FILIP1: variants seen among roughly 807,000 people sequenced by gnomAD.
FILIP1 encodes filamin A interacting protein 1.
A neutral mutation model predicts 102.1 loss-of-function variants in FILIP1; 61 were observed. The ratio of observed to expected loss-of-function variants is 0.60; its 90% confidence interval spans 0.49 to 0.74. FILIP1 has a LOEUF of 0.74. Ranked by LOEUF, FILIP1 falls within the 30% of genes least tolerant of loss-of-function variation. The pLI is 0.00. For synonymous variants in FILIP1, 491 were observed against 526.9 expected (o/e 0.93, Z 0.93); for missense variants, 1,314 against 1,441.2 (o/e 0.91, Z 1.43).
chr6:75,312,575 A>G lies in FILIP1; in HGVS notation c.3257T>C (p.Val1086Ala). Residue 1086 changes from valine to alanine, a missense_variant, in exon 5 of 6, where the codon GTC becomes GCC. Val to Ala is a moderately conservative substitution (Grantham distance 64, BLOSUM62 0). This residue lies in a region of FILIP1 where 816 missense variants were observed against 913.1 expected (regional missense o/e 0.89). Transcript: ENST00000237172. ...TGGTCGGACAGTAATAACTGGACTG[A>G]CTCCTTCACCTGAAGTCCCAGGGGA... is the stretch of plus-strand genomic sequence containing the variant. ...KRSPGTSGEG[V>A]SPVITVRPVN... The G allele has an allele frequency of 6.2e-7, 1 of 1,613,986 alleles. No homozygotes were observed. The highest frequency in any genetic ancestry group is 8.5e-7 in the Non-Finnish European group (1 of 1,179,992).
chr6:75,330,503 C>G (rs1774041687), intron 4 of FILIP1, among the ~76,000 whole-genome samples: 1 of 151,864 alleles, frequency 6.6e-6, no homozygotes, highest in African/African-American at 2.4e-5. Flanking sequence ...CACATAGTCC[C>G]ACTCTAAAAA....
chr6:75,413,499 T>C (rs111652042), intron 2 of FILIP1, among the ~76,000 whole-genome samples: 5 of 152,122 alleles, frequency 3.3e-5, no homozygotes, highest in African/African-American at 1.2e-4. Context: ...AACTTGAGTT[T>C]TGTATGTTGT....
Position 75,342,409 on chromosome 6 carries a change from C to T in FILIP1, c.629+11130G>A, listed in dbSNP as rs116524695. Among the ~76,000 whole-genome samples, 383 of 152,366 alleles carry T rather than the reference C, an allele frequency of 2.5e-3. 1 individual carries two copies. Among genetic ancestry groups the T allele is most frequent in the African/African-American group, 8.2e-3 (341 of 41,584 alleles). On this transcript the variant is annotated intron_variant, in intron 4 of 5. Transcript: ENST00000237172. ...TGGTACTAATTGCAGGCCTCACACT[C>T]ACGTGTGCAAGAAATACAATGATCT...
At chr6:75,455,373 T>G (rs1186468401) in intron 1 of FILIP1, 1 of 151,766 alleles carries the variant, frequency 6.6e-6, no homozygotes, top group African/African-American at 2.4e-5. Context: ...AAAAATAAAA[T>G]TGTGAGAGTT....
intron 2 of FILIP1, among the ~76,000 whole-genome samples, chr6:75,371,605 G>A (rs1775520758): frequency 6.6e-6 from 1 of 152,122 alleles, no homozygotes; most frequent in Non-Finnish European, 1.5e-5. Context: ...AAATAGTGTG[G>A]TACTGTCATA....
chr6:75,442,637 G>C (rs1169259600), intron 1 of FILIP1, among the ~76,000 whole-genome samples: 51 of 147,982 alleles, frequency 3.4e-4, no homozygotes, highest in Admixed American at 4.7e-4. Flanking sequence ...GCCTGCAATC[G>C]CAGGCACTCG....
intron 1 of FILIP1, among the ~76,000 whole-genome samples, chr6:75,482,464 T>G (rs1779673215): frequency 6.6e-6 from 1 of 152,180 alleles, no homozygotes; most frequent in Non-Finnish European, 1.5e-5. Flanking sequence ...GCTAATGAAC[T>G]ACAGCCTGGT....
chr6:75,446,167 A>T (rs904896343), intron 1 of FILIP1, among the ~76,000 whole-genome samples: 2 of 152,176 alleles, frequency 1.3e-5, no homozygotes, highest in African/African-American at 2.4e-5. Flanking sequence ...TATATTTATT[A>T]GAATATATTT....
At chr6:75,295,053 A>G (rs539628140) in exon 7 of FILIP1, 5 of 151,670 alleles carry the variant, frequency 3.3e-5, no homozygotes, top group African/African-American at 1.2e-4. Flanking sequence ...TTTATATTCA[A>G]GTTTTGATTG....
At chr6:75,440,225 T>C (rs781216006) in intron 1 of FILIP1, among the ~76,000 whole-genome samples, 2 of 152,166 alleles carry the variant, frequency 1.3e-5, no homozygotes, top group Non-Finnish European at 2.9e-5. Flanking sequence ...GTTTTAAAAA[T>C]ACACTGTGGC....
chr6:75,340,441 TGATAATGGTCATTACTAA>T (rs1299556758), intron 4 of FILIP1, among the ~76,000 whole-genome samples: 1 of 152,206 alleles, frequency 6.6e-6, no homozygotes, highest in Non-Finnish European at 1.5e-5. Flanking sequence ...AAGATGACTA[TGATAATGGTCATTACTAA>T]GGGACCCAAC....
intron 1 of FILIP1, among the ~76,000 whole-genome samples, chr6:75,487,413 T>C (rs1375138311): frequency 6.6e-6 from 1 of 152,150 alleles, no homozygotes; most frequent in Non-Finnish European, 1.5e-5. Flanking sequence ...AACTCAGCAA[T>C]GCCTCTTCCT....
intron 2 of FILIP1, among the ~76,000 whole-genome samples, chr6:75,372,743 A>G (rs1416563927): frequency 3.5e-5 from 2 of 56,538 alleles, no homozygotes; most frequent in African/African-American, 1.7e-4. Flanking sequence ...AGAAAGAAAG[A>G]AAGAAAGAAA....
At chr6:75,383,285 C>T (rs1434366181) in intron 2 of FILIP1, among the ~76,000 whole-genome samples, 1 of 152,102 alleles carries the variant, frequency 6.6e-6, no homozygotes, top group Non-Finnish European at 1.5e-5. Flanking sequence ...CCTATTTAAT[C>T]TAAAGGATTA....
In FILIP1 at chr6:75,462,997, A is replaced by T. The variant is rs1246016246; in HGVS notation, c.-7+30417T>A. The stretch of plus-strand genomic sequence containing the variant: ...TTTTCAGTCACATAACTTCATCTAT[A>T]CCTGAAGTCTTCACAGTGGCCACAG... On this transcript the variant is annotated intron_variant, in intron 1 of 5. Transcript: ENST00000237172. 3.9e-5 allele frequency among the ~76,000 whole-genome samples: 6 copies of T among 152,330 alleles called. No homozygotes were observed. In the East Asian group the frequency reaches 5.8e-4, roughly 15 times the overall value.
chr6:75,329,013 A>T (rs927300218), intron 4 of FILIP1, among the ~76,000 whole-genome samples: 5 of 152,202 alleles, frequency 3.3e-5, no homozygotes, highest in Admixed American at 6.5e-5. Context: ...TTTGATACTT[A>T]GTCAAACTTA....
chr6:75,337,511 C>T (rs1482958876), intron 4 of FILIP1, among the ~76,000 whole-genome samples: 1 of 151,602 alleles, frequency 6.6e-6, no homozygotes. Context: ...AATCACTGGG[C>T]TTGCCAATGC....
intron 1 of FILIP1, among the ~76,000 whole-genome samples, chr6:75,457,554 C>T (rs897311031): frequency 6.6e-6 from 1 of 152,004 alleles, no homozygotes; most frequent in African/African-American, 2.4e-5. Flanking sequence ...GTTAGAAATT[C>T]TCCCATAGTG....
At chr6:75,464,351 T>C (rs989934579) in intron 1 of FILIP1, among the ~76,000 whole-genome samples, 10 of 152,220 alleles carry the variant, frequency 6.6e-5, no homozygotes, top group Admixed American at 5.9e-4. Flanking sequence ...GAGAAAATAA[T>C]ACCAGCATTT....
Sources: allele counts gnomAD v4.1 joint callset (sites outside exome capture counted in the v4.1 genomes callset), GRCh38; gene constraint gnomAD v4.1.1; regional missense constraint gnomAD v4.1.1; transcripts MANE v1.5; gene names NCBI Gene and HGNC (gene_info 2026-07-23, HGNC 2026-07-21).